Variants in PRKN observed in about 807,000 individuals in gnomAD.
PRKN encodes parkin RBR E3 ubiquitin protein ligase.
In PRKN, 56 loss-of-function variants were observed where a neutral mutation model predicts 59.5. That is an observed-to-expected ratio of 0.94 (90% CI 0.76 to 1.18). The LOEUF is 1.18. Ranked by LOEUF, PRKN falls within the 50% of genes most tolerant of loss-of-function variation. PRKN has a pLI of 0.00. For synonymous variants in PRKN, 250 were observed against 222.1 expected, an observed-to-expected ratio of 1.13 and a Z score of -1.12; for missense variants, 657 against 596.4, an observed-to-expected ratio of 1.10 and a Z score of -1.06.
intron 2 of PRKN, among the ~76,000 whole-genome samples, chr6:162,324,455 C>T (rs1291725152): frequency 6.6e-6 from 1 of 152,032 alleles, no homozygotes. Context: ...AATAAATCCA[C>T]ATGAAAAGAA....
chr6:162,121,834 A>C (rs1023738323), intron 4 of PRKN, among the ~76,000 whole-genome samples: 3 of 151,894 alleles, frequency 2.0e-5, no homozygotes, highest in Admixed American at 6.6e-5. Context: ...GGAATGAAAA[A>C]CCTCAGGCCT....
intron 7 of PRKN, among the ~76,000 whole-genome samples, chr6:161,762,830 C>G (rs1235803740): frequency 1.3e-5 from 2 of 152,108 alleles, no homozygotes; most frequent in Non-Finnish European, 2.9e-5. Flanking sequence ...AATTCTATTG[C>G]CATTTTCAAG....
intron 7 of PRKN, among the ~76,000 whole-genome samples, chr6:161,730,672 A>G (rs1332840594): frequency 8.4e-6 from 1 of 118,390 alleles, no homozygotes; most frequent in Non-Finnish European, 1.8e-5. Flanking sequence ...GCATTCTTTC[A>G]GATATGTGGC....
intron 1 of PRKN, among the ~76,000 whole-genome samples, chr6:162,543,208 GACCAGGGC>G (rs1778991695): frequency 6.6e-6 from 1 of 151,994 alleles, no homozygotes; most frequent in Non-Finnish European, 1.5e-5. Context: ...TTAATGCCAG[GACCAGGGC>G]CAAAAATTGA....
intron 7 of PRKN, among the ~76,000 whole-genome samples, chr6:161,636,632 C>A (rs1277980863): frequency 8.5e-5 from 13 of 152,180 alleles, no homozygotes; most frequent in Admixed American, 4.6e-4. Flanking sequence ...TGCCAAAGAG[C>A]AAACTCACAA....
chr6:161,674,714 T>C (rs752334040), intron 7 of PRKN, among the ~76,000 whole-genome samples: 3 of 152,200 alleles, frequency 2.0e-5, no homozygotes, highest in Non-Finnish European at 4.4e-5. Flanking sequence ...CTTAGAGGAA[T>C]ACACAAAAAA....
chr6:162,699,902 A>G (rs1421842109), intron 1 of PRKN, among the ~76,000 whole-genome samples: 1 of 152,192 alleles, frequency 6.6e-6, no homozygotes, highest in Non-Finnish European at 1.5e-5. Context: ...TTCATTAACA[A>G]GAGAAAATTA....
intron 1 of PRKN, among the ~76,000 whole-genome samples, chr6:162,676,335 C>T (rs1366175246): frequency 1.3e-5 from 2 of 149,706 alleles, no homozygotes; most frequent in East Asian, 1.9e-4. Flanking sequence ...GTTTCCATAC[C>T]CAATTTATTG....
intron 4 of PRKN, among the ~76,000 whole-genome samples, chr6:162,143,325 ATTC>A (rs1346126764): frequency 2.0e-5 from 3 of 152,334 alleles, no homozygotes; most frequent in Middle Eastern, 3.4e-3. Flanking sequence ...TTTATCAGCA[ATTC>A]TCCTTTCTTC....
chr6:162,305,407 G>GT (rs1272264106), intron 2 of PRKN, among the ~76,000 whole-genome samples: 1 of 145,022 alleles, frequency 6.9e-6, no homozygotes, highest in Non-Finnish European at 1.5e-5. Flanking sequence ...AATTATCATT[G>GT]CTTTTTTTTT....
chr6:162,631,610 G>C (rs1783111926), intron 1 of PRKN, among the ~76,000 whole-genome samples: 1 of 152,096 alleles, frequency 6.6e-6, no homozygotes, highest in Non-Finnish European at 1.5e-5. Flanking sequence ...CAAATGCATA[G>C]TTTGTAAATA....
At chr6:162,519,197 G>A (rs933843120) in intron 1 of PRKN, among the ~76,000 whole-genome samples, 1 of 152,054 alleles carries the variant, frequency 6.6e-6, no homozygotes, top group Non-Finnish European at 1.5e-5. Flanking sequence ...AAAACCTACT[G>A]GCAATAAGGG....
chr6:161,858,964 C>T (rs200154000), intron 6 of PRKN, among the ~76,000 whole-genome samples: 72,055 of 146,376 alleles, frequency 0.49, 17,972 homozygotes, highest in East Asian at 0.75. Context: ...TGGGTTCAAG[C>T]GATTCTCCTA....
At chr6:162,558,391 G>A (rs890448260) in intron 1 of PRKN, among the ~76,000 whole-genome samples, 13 of 143,708 alleles carry the variant, frequency 9.0e-5, no homozygotes, top group African/African-American at 2.8e-4. Flanking sequence ...GTGCAATGGC[G>A]CCATCTCGGC....
At chr6:162,067,065 T>G (rs1227228592) in intron 4 of PRKN, among the ~76,000 whole-genome samples, 6 of 152,208 alleles carry the variant, frequency 3.9e-5, no homozygotes. Flanking sequence ...TTCATCCATT[T>G]TTTTTTCTCT....
At chr6:162,302,158 C>T in intron 2 of PRKN, among the ~76,000 whole-genome samples, 1 of 151,996 alleles carries the variant, frequency 6.6e-6, no homozygotes, top group East Asian at 1.9e-4. Flanking sequence ...TCATTTTATC[C>T]TCCCCCTCTA....
chr6:162,531,057 C>CAAAAAA (rs1171548218), intron 1 of PRKN, among the ~76,000 whole-genome samples: 22 of 79,876 alleles, frequency 2.8e-4, no homozygotes, highest in Admixed American at 5.1e-4. Flanking sequence ...ACTCCATCTC[C>CAAAAAA]AAAAAAAAAA....
chr6:162,063,169 A>G (rs139885045), intron 4 of PRKN, among the ~76,000 whole-genome samples: 1 of 152,216 alleles, frequency 6.6e-6, no homozygotes, highest in Non-Finnish European at 1.5e-5. Flanking sequence ...AAATATGACT[A>G]TGCAAGCCAC....
At chr6:161,368,781 C>T (rs1482810691) in intron 10 of PRKN, among the ~76,000 whole-genome samples, 1 of 152,094 alleles carries the variant, frequency 6.6e-6, no homozygotes, top group Non-Finnish European at 1.5e-5. Context: ...CCCCAACCTG[C>T]CGAAAGTGCT....
Sources: allele counts gnomAD v4.1 joint callset (sites outside exome capture counted in the v4.1 genomes callset), GRCh38; gene constraint gnomAD v4.1.1; transcripts MANE v1.5; gene names NCBI Gene and HGNC (gene_info 2026-07-23, HGNC 2026-07-21).